Variants in WWOX observed in about 807,000 individuals in gnomAD.
WWOX encodes the protein WW domain containing oxidoreductase, also known as WW domain-containing oxidoreductase.
WWOX carries 69 observed loss-of-function variants against 46.2 expected under a neutral mutation model. That is an observed-to-expected ratio of 1.49 (90% CI 1.23 to 1.82). The LOEUF (loss-of-function observed/expected upper bound fraction) is 1.82, where lower values mean the gene tolerates loss of function less well. Ranked by LOEUF, WWOX falls within the 40% of genes most tolerant of loss-of-function variation. The probability of loss-of-function intolerance (pLI) is 0.00; values close to 1 mark genes in which losing one functional copy is unlikely to be tolerated. For synonymous variants in WWOX, 359 were observed against 202.6 expected (o/e 1.77, Z -6.56); for missense variants, 919 against 542.6 (o/e 1.69, Z -6.89).
intron 2 of WWOX, among the ~76,000 whole-genome samples, 185 bp downstream of exon 2, chr16:78,108,672 GGAT>G (rs2032305868): frequency 6.6e-6 from 1 of 152,170 alleles, no homozygotes; most frequent in Non-Finnish European, 1.5e-5. Flanking sequence ...GGTGGAGTGA[GGAT>G]GATTTCTTAC....
At chr16:78,258,392 T>A (rs2038186186) in intron 5 of WWOX, among the ~76,000 whole-genome samples, 1 of 152,190 alleles carries the variant, frequency 6.6e-6, no homozygotes, top group Non-Finnish European at 1.5e-5. Context: ...TTTTTGGTAT[T>A]AACATATTGC....
chr16:78,899,403 G>A (rs1187431661), intron 8 of WWOX: 2 of 152,122 alleles, frequency 1.3e-5, no homozygotes, highest in Admixed American at 6.5e-5. Flanking sequence ...TAGAAACCTG[G>A]CCTGTTTATT....
intron 8 of WWOX, among the ~76,000 whole-genome samples, chr16:79,168,057 T>C (rs1402160779): frequency 6.6e-6 from 1 of 152,222 alleles, no homozygotes; most frequent in Non-Finnish European, 1.5e-5. Context: ...CATGTGTCAG[T>C]ACTTTATTCT....
intron 5 of WWOX, chr16:78,355,466 G>T (rs1465321931): frequency 9.2e-6 from 3 of 324,804 alleles, no homozygotes; most frequent in South Asian, 3.2e-5. Context: ...GCCTGGCGTG[G>T]TGGCGGGCAC....
chr16:78,575,530 A>T (rs1473494122), intron 8 of WWOX, among the ~76,000 whole-genome samples: 2 of 151,962 alleles, frequency 1.3e-5, no homozygotes, highest in Admixed American at 6.6e-5. Context: ...CCATCCTAAG[A>T]TCTTGTGACT....
intron 8 of WWOX, among the ~76,000 whole-genome samples, chr16:78,706,149 G>C (rs1295356476): frequency 6.9e-6 from 1 of 144,422 alleles, no homozygotes; most frequent in Admixed American, 7.2e-5. Flanking sequence ...CTTAATTAAG[G>C]CATTTCCATC....
chr16:78,507,376 A>G (rs1041783873), intron 8 of WWOX, among the ~76,000 whole-genome samples: 16 of 152,160 alleles, frequency 1.1e-4, no homozygotes, highest in African/African-American at 3.9e-4. Context: ...AAAAAGTCAA[A>G]AGGAAACAAA....
chr16:78,142,932 C>T (rs143980168), intron 4 of WWOX, among the ~76,000 whole-genome samples: 233 of 152,260 alleles, frequency 1.5e-3, no homozygotes, highest in African/African-American at 5.2e-3. Context: ...TTTTGTTGGA[C>T]TGGAAACAGA....
chr16:79,001,225 A>T (rs1276869000), intron 8 of WWOX, among the ~76,000 whole-genome samples: 1 of 152,184 alleles, frequency 6.6e-6, no homozygotes, highest in African/African-American at 2.4e-5. Flanking sequence ...GAGGCCGGTT[A>T]GAGACAGGCT....
intron 8 of WWOX, among the ~76,000 whole-genome samples, chr16:79,072,709 G>T (rs1401842440): frequency 1.3e-5 from 2 of 152,142 alleles, no homozygotes; most frequent in Non-Finnish European, 2.9e-5. Flanking sequence ...CATCATCAGG[G>T]CCACAACAGC....
At chr16:78,495,596 C>T (rs34036911) in intron 8 of WWOX, among the ~76,000 whole-genome samples, 94,617 of 151,210 alleles carry the variant, frequency 0.63, 33,532 homozygotes, top group East Asian at 0.81. Flanking sequence ...GCAACCTCCA[C>T]CTCCTGGGTT....
intron 4 of WWOX, among the ~76,000 whole-genome samples, chr16:78,119,825 A>T (rs1016866861): frequency 2.0e-5 from 3 of 152,196 alleles, no homozygotes; most frequent in African/African-American, 7.2e-5. Context: ...GGTAATGATG[A>T]TAAAACTTCT....
intron 8 of WWOX, among the ~76,000 whole-genome samples, chr16:78,870,802 G>A (rs537270228): frequency 6.6e-5 from 10 of 152,198 alleles, no homozygotes; most frequent in South Asian, 6.2e-4. Flanking sequence ...GGTTTTCACC[G>A]TGTTGCCCAG....
chr16:79,094,418 T>A (rs889553445), intron 8 of WWOX, among the ~76,000 whole-genome samples: 1 of 151,904 alleles, frequency 6.6e-6, no homozygotes, highest in African/African-American at 2.4e-5. Context: ...TCCAGCTAAT[T>A]TTTTTGTATT....
At chr16:78,909,080 T>TA (rs932546201) in intron 8 of WWOX, among the ~76,000 whole-genome samples, 1 of 152,212 alleles carries the variant, frequency 6.6e-6, no homozygotes, top group African/African-American at 2.4e-5. Flanking sequence ...CTCTCAAAGT[T>TA]AGTTAGTCCT....
intron 8 of WWOX, among the ~76,000 whole-genome samples, chr16:78,854,631 A>G (rs952875148): frequency 6.6e-6 from 1 of 152,122 alleles, no homozygotes; most frequent in Non-Finnish European, 1.5e-5. Context: ...CCCAGACTGG[A>G]GTGCAGTGGC....
At chr16:78,573,209 C>G (rs1285123914) in intron 8 of WWOX, among the ~76,000 whole-genome samples, 1 of 152,114 alleles carries the variant, frequency 6.6e-6, no homozygotes, top group Admixed American at 6.6e-5. Flanking sequence ...TGGCGTGAAC[C>G]CAGGAGGCAG....
At chr16:78,375,169 T>A (rs774184770) in intron 5 of WWOX, among the ~76,000 whole-genome samples, 1 of 152,268 alleles carries the variant, frequency 6.6e-6, no homozygotes, top group Non-Finnish European at 1.5e-5. Context: ...TCGATTCATC[T>A]GTAAAGTAAA....
In WWOX at chr16:78,594,429, G is replaced by GCCCCCCCCCC. The variant is rs138806967; in HGVS notation, c.1056+161684_1056+161693dup. Reference sequence around the variant, plus strand: ...TCTTGACGAAGAAGACTGAGGAAAGGCCCCCCCCCCCCCCCCGCCAAATTG... The same window carrying GCCCCCCCCCC: ...TCTTGACGAAGAAGACTGAGGAAAGGCCCCCCCCCCCCCCCCCCCCCCCCCCGCCAAATTG... On this transcript the variant is annotated intron_variant, in intron 8 of 8. Coordinates refer to ENST00000566780, the MANE Select transcript of WWOX (RefSeq NM_016373.4). Among the ~76,000 whole-genome samples the GCCCCCCCCCC allele has an allele frequency of 7.4e-3, 240 of 32,392 alleles. 16 individuals are homozygous for GCCCCCCCCCC. The highest frequency in any genetic ancestry group is 8.6e-3 in the Admixed American group (14 of 1,624). The allele number at this position is 32,392 out of a possible 152,430, so 21.3% of individuals were successfully genotyped here.
Sources: allele counts gnomAD v4.1 joint callset (sites outside exome capture counted in the v4.1 genomes callset), GRCh38; gene constraint gnomAD v4.1.1; transcripts MANE v1.5; gene names NCBI Gene and HGNC (gene_info 2026-07-23, HGNC 2026-07-21).